TXLNA: variants seen among roughly 807,000 people sequenced by gnomAD.
TXLNA encodes taxilin alpha, also known as alpha-taxilin.
In TXLNA, 9 loss-of-function variants were observed where a neutral mutation model predicts 61.4. That is an observed-to-expected ratio of 0.15 (90% CI 0.09 to 0.26). The LOEUF is 0.26. TXLNA is among the 10% of genes least tolerant of loss of function. The pLI is 1.00. For synonymous variants in TXLNA, 257 were observed against 267.7 expected (o/e 0.96, Z 0.39); for missense variants, 565 against 688.8 (o/e 0.82, Z 2.01).
At chr1:32,187,600 G>C (rs753517069) in intron 4 of TXLNA, among the ~76,000 whole-genome samples, 5 of 152,218 alleles carry the variant, frequency 3.3e-5, no homozygotes, top group Non-Finnish European at 5.9e-5. Flanking sequence ...TACGGTAGCA[G>C]GTGGTCTCAT....
At position 32,184,628 on chromosome 1, in the gene TXLNA, C is replaced by T. The variant is rs148469299; in HGVS notation, c.597+12C>T. 1.9e-6 allele frequency: 3 copies of T among 1,582,612 alleles called. No individual in the cohort carries two copies. The highest frequency in any genetic ancestry group is 2.7e-5 in the African/African-American group (2 of 74,444). The stretch of plus-strand genomic sequence containing the variant: ...AGTATGCTGAACTGGTCAGTTCCCC[C>T]CTCCGCGGGCACCTTCCCTGCGTTG... On this transcript the variant is annotated intron_variant, in intron 4 of 10. Coordinates refer to ENST00000373610, the MANE Select transcript of TXLNA (RefSeq NM_175852.4).
chr1:32,185,801 C>T (rs543427272), intron 4 of TXLNA, among the ~76,000 whole-genome samples: 6 of 151,858 alleles, frequency 4.0e-5, no homozygotes, highest in East Asian at 1.9e-4. Context: ...CAGGTTCAAG[C>T]GAGTCTCCTG....
intron 1 of TXLNA, 106 bp from the exon 2 acceptor site, chr1:32,180,208 G>T (rs1642622641): frequency 8.1e-7 from 1 of 1,228,444 alleles, no homozygotes; most frequent in South Asian, 1.7e-5. Context: ...CGGGCCTGCC[G>T]GTCCGTTTAT....
chr1:32,181,005 T>TA (rs1172707926), intron 2 of TXLNA, among the ~76,000 whole-genome samples: 1 of 152,204 alleles, frequency 6.6e-6, no homozygotes, highest in Non-Finnish European at 1.5e-5. Context: ...TAAACAGACT[T>TA]AAAGAAGTTA....
chr1:32,182,600 T>G (rs1463599483), intron 3 of TXLNA, among the ~76,000 whole-genome samples: 1 of 150,448 alleles, frequency 6.6e-6, no homozygotes, highest in Non-Finnish European at 1.5e-5. Flanking sequence ...AGGCAGAGGT[T>G]GCAGTGAACT....
chr1:32,180,562 G>A (rs1400310085), intron 2 of TXLNA, 48 bp downstream of exon 2: 1 of 1,537,078 alleles, frequency 6.5e-7, no homozygotes, highest in Non-Finnish European at 8.8e-7. Context: ...GGAGCTGTGG[G>A]GTCGGCCTCG....
At chr1:32,186,601 C>T (rs1300430134) in intron 4 of TXLNA, among the ~76,000 whole-genome samples, 2 of 151,986 alleles carry the variant, frequency 1.3e-5, no homozygotes, top group African/African-American at 4.8e-5. Flanking sequence ...GAAATCCAAG[C>T]CAGGTAATGT....
intron 3 of TXLNA, among the ~76,000 whole-genome samples, chr1:32,182,592 G>T (rs977929539): frequency 2.0e-5 from 3 of 151,394 alleles, no homozygotes; most frequent in Admixed American, 6.6e-5. Flanking sequence ...AACCCGGGAG[G>T]CAGAGGTTGC....
chr1:32,189,059 T>G (rs902239018), intron 5 of TXLNA, among the ~76,000 whole-genome samples: 3 of 152,210 alleles, frequency 2.0e-5, no homozygotes, highest in Non-Finnish European at 4.4e-5. Flanking sequence ...TTACATAACA[T>G]TTTTCCCTAT....
At chr1:32,183,666 G>A (rs1191634690) in intron 3 of TXLNA, among the ~76,000 whole-genome samples, 6 of 137,214 alleles carry the variant, frequency 4.4e-5, no homozygotes, top group Middle Eastern at 4.5e-3. Flanking sequence ...TCCTGACCTC[G>A]TGATCCGCCC....
At chr1:32,181,923 A>G (rs1055423824) in intron 3 of TXLNA, among the ~76,000 whole-genome samples, 12 of 152,100 alleles carry the variant, frequency 7.9e-5, no homozygotes, top group Non-Finnish European at 7.4e-5. Flanking sequence ...GTCTTAGTTT[A>G]TATTTCTCTT....
intron 4 of TXLNA, among the ~76,000 whole-genome samples, chr1:32,186,803 G>A (rs777018169): frequency 2.0e-5 from 3 of 152,232 alleles, no homozygotes; most frequent in South Asian, 2.1e-4. Flanking sequence ...CTAGATCTGC[G>A]CTGTCCAAGA....
Position 32,181,597 on chromosome 1 carries a change from T to C in TXLNA, c.505+20T>C, listed in dbSNP as rs1028887541. On this transcript the variant is annotated intron_variant, in intron 3 of 10. Coordinates refer to ENST00000373610, the MANE Select transcript of TXLNA (RefSeq NM_175852.4). ...GTTTGGGTGAGCAGAGGGCGGCTCT[T>C]TGTGAAGCTGGTGAGGAGAGGGAGT... 4.7e-6 allele frequency: 7 copies of C among 1,504,986 alleles called. No homozygotes were observed. Among genetic ancestry groups the C allele is most frequent in the Non-Finnish European group, 5.3e-6 (6 of 1,123,724 alleles). The allele number at this position is 1,504,986 out of a possible 1,614,324, so 93.2% of individuals were successfully genotyped here.
chr1:32,190,409 A>G (rs955739040), intron 6 of TXLNA, among the ~76,000 whole-genome samples, 160 bp downstream of exon 6: 1 of 152,070 alleles, frequency 6.6e-6, no homozygotes, highest in Non-Finnish European at 1.5e-5. Flanking sequence ...TAGATAAAAA[A>G]CAGGTGTGGA....
Position 32,195,977 on chromosome 1 carries a change from C to CTTTTTTTT in TXLNA, c.*790_*797dup, listed in dbSNP as rs112648110. Reference sequence around the variant, plus strand: ...GGTGTTTTTTTCTTTATTTCTTTTTCTTTTTTTTTTTTTTTCTTTTTCTTT... The same window carrying CTTTTTTTT: ...GGTGTTTTTTTCTTTATTTCTTTTTCTTTTTTTTTTTTTTTTTTTTTTTCTTTTTCTTT... On this transcript the variant is annotated 3_prime_UTR_variant, in exon 11 of 11. Transcript: ENST00000373610. The CTTTTTTTT allele has an allele frequency of 1.3e-5, 2 of 154,410 alleles. No homozygotes were observed. The highest frequency in any genetic ancestry group is 1.4e-5 in the Non-Finnish European group (1 of 73,058). The allele number at this position is 154,410 out of a possible 1,614,324, so 9.6% of individuals were successfully genotyped here. A position where few individuals can be genotyped will look rare whatever the true frequency, so the allele number is the denominator to read the frequency against.
At chr1:32,194,280 C>T in intron 10 of TXLNA, 120 bp downstream of exon 10, 1 of 805,808 alleles carries the variant, frequency 1.2e-6, no homozygotes, top group Non-Finnish European at 2.0e-6. Flanking sequence ...GAGATTTGCA[C>T]ACAATGTCCA....
In TXLNA at chr1:32,194,079, C is replaced by A; in HGVS notation, c.1266C>A (p.Ile422=). 6.2e-7 allele frequency: 1 copy of A among 1,613,446 alleles called. No homozygotes were observed. The highest frequency in any genetic ancestry group is 8.5e-7 in the Non-Finnish European group (1 of 1,179,700). Reference sequence around the variant, plus strand: ...ACATAACCTAGATGACTAAGAAGATCAAGAAGCTGGAGAAAGAAACCACCA... The same window carrying A: ...ACATAACCTAGATGACTAAGAAGATAAAGAAGCTGGAGAAAGAAACCACCA... ...KQEMEKMTKK[I]KKLEKETTMY... The change falls in exon 10 of 11, where the codon ATC becomes ATA. Residue 422 remains isoleucine (I), a synonymous_variant. Coordinates refer to ENST00000373610, the MANE Select transcript of TXLNA (RefSeq NM_175852.4).
Position 32,192,392 on chromosome 1 carries a change from A to AAGGAGGCAGAAGAGCGGC in TXLNA, c.1047_1064dup (p.Arg354_His355insGlnGluAlaGluGluArg). On this transcript the variant is annotated inframe_insertion, in exon 7 of 11. Transcript: ENST00000373610. The surrounding 1 kb of genome is among the most constrained non-coding windows in gnomAD (Gnocchi z 4.2). Reference sequence around the variant, plus strand: ...GCTCCAGCAGGCCCAGGAGATGCTAAAGGAGGCAGAAGAGCGGCACCAGCG... The same window carrying AAGGAGGCAGAAGAGCGGC: ...GCTCCAGCAGGCCCAGGAGATGCTAAAGGAGGCAGAAGAGCGGCAGGAGGCAGAAGAGCGGCACCAGCG... 6.2e-7 allele frequency: 1 copy of AAGGAGGCAGAAGAGCGGC among 1,614,212 alleles called. No individual in the cohort carries two copies. The highest frequency in any genetic ancestry group is 2.2e-5 in the East Asian group (1 of 44,880).
chr1:32,184,235 C>T (rs1229123242), intron 3 of TXLNA, among the ~76,000 whole-genome samples: 1 of 152,142 alleles, frequency 6.6e-6, no homozygotes, highest in Non-Finnish European at 1.5e-5. Flanking sequence ...GTAGAGCAGG[C>T]AGTTTTTTTC....
Sources: gnomAD v4.1 joint callset for allele counts (sites outside exome capture counted in the v4.1 genomes callset) on GRCh38, gnomAD v4.1.1 for gene constraint, Gnocchi (gnomAD v3.1) non-coding constraint, MANE v1.5 for transcripts, NCBI Gene and HGNC (gene_info 2026-07-23, HGNC 2026-07-21) for gene names.